The following KIAA1549L variants were observed in gnomAD, a reference collection of about 807,000 sequenced individuals.
KIAA1549L encodes KIAA1549 like, also known as UPF0606 protein KIAA1549L.
Under a neutral mutation model 160.7 loss-of-function variants are expected in KIAA1549L, and 88 were observed. That is an observed-to-expected ratio of 0.55 (90% CI 0.46 to 0.65). KIAA1549L has a LOEUF of 0.65. Ranked by LOEUF, KIAA1549L falls within the 30% of genes least tolerant of loss-of-function variation. The pLI is 0.00. For missense variants in KIAA1549L, 2,258 were observed against 2,437.5 expected (o/e 0.93, Z 1.55); for synonymous variants, 950 against 976.7 (o/e 0.97, Z 0.51).
chr11:33,518,769 A>C (rs1269674820), intron 1 of KIAA1549L, among the ~76,000 whole-genome samples: 4 of 152,172 alleles, frequency 2.6e-5, no homozygotes, highest in African/African-American at 9.7e-5. Flanking sequence ...TTTTCCCCTA[A>C]TAGTTCTTCT....
intron 1 of KIAA1549L, among the ~76,000 whole-genome samples, chr11:33,482,284 AT>A (rs1323368992): frequency 6.6e-6 from 1 of 151,518 alleles, no homozygotes; most frequent in African/African-American, 2.4e-5. Flanking sequence ...TGACACTTCT[AT>A]TTTTTTCTTC....
chr11:33,655,463 C>G, intron 17 of KIAA1549L, among the ~76,000 whole-genome samples: 1 of 152,334 alleles, frequency 6.6e-6, no homozygotes, highest in Non-Finnish European at 1.5e-5. Flanking sequence ...GAAAGTAAAA[C>G]ACAATCAATG....
At chr11:33,413,347 G>A (rs1323540661) in intron 1 of KIAA1549L, among the ~76,000 whole-genome samples, 1 of 151,006 alleles carries the variant, frequency 6.6e-6, no homozygotes, top group African/African-American at 2.4e-5. Context: ...GCCAAGGTGT[G>A]AGGATTGTTT....
intron 20 of KIAA1549L, among the ~76,000 whole-genome samples, chr11:33,662,216 G>A (rs1327536526): frequency 6.6e-6 from 1 of 151,948 alleles, no homozygotes; most frequent in African/African-American, 2.4e-5. Flanking sequence ...TTACTATCAT[G>A]GCCCAGTATA....
chr11:33,590,360 A>C (rs1241537097), intron 11 of KIAA1549L, among the ~76,000 whole-genome samples: 1 of 152,184 alleles, frequency 6.6e-6, no homozygotes, highest in Non-Finnish European at 1.5e-5. Context: ...TGCCACTTTT[A>C]CCCACCACAC....
chr11:33,504,811 T>C (rs1388380698), intron 1 of KIAA1549L, among the ~76,000 whole-genome samples: 1 of 152,108 alleles, frequency 6.6e-6, no homozygotes, highest in Non-Finnish European at 1.5e-5. Flanking sequence ...CTGTTACCTA[T>C]GCTGGAGTGC....
intron 1 of KIAA1549L, among the ~76,000 whole-genome samples, chr11:33,408,625 C>A (rs1260668306): frequency 6.6e-6 from 1 of 151,204 alleles, no homozygotes; most frequent in Non-Finnish European, 1.5e-5. Context: ...GTCCCAGTCC[C>A]ACATGTCCAA....
At chr11:33,600,647 C>G (rs1850333695) in intron 13 of KIAA1549L, among the ~76,000 whole-genome samples, 1 of 151,956 alleles carries the variant, frequency 6.6e-6, no homozygotes, top group Non-Finnish European at 1.5e-5. Flanking sequence ...GCCCCACTCA[C>G]CCACCCCAGT....
chr11:33,606,522 C>T (rs1850504809), intron 13 of KIAA1549L, 119 bp from the exon 14 acceptor site: 6 of 933,186 alleles, frequency 6.4e-6, no homozygotes, highest in African/African-American at 3.3e-5. Flanking sequence ...CAGATGCTGT[C>T]GTTTCTGAGG....
At chr11:33,656,502 T>G (rs1852069705) in intron 18 of KIAA1549L, among the ~76,000 whole-genome samples, 1 of 152,210 alleles carries the variant, frequency 6.6e-6, no homozygotes, top group African/African-American at 2.4e-5. Context: ...TGTCTGGGCA[T>G]CCACCCCAAC....
chr11:33,561,850 G>A, intron 8 of KIAA1549L, 115 bp downstream of exon 8: 1 of 744,890 alleles, frequency 1.3e-6, no homozygotes, highest in Non-Finnish European at 2.3e-6. Context: ...TGTCTTATAA[G>A]TCAGGAAGTT....
chr11:33,563,505 G>C (rs572767855), intron 8 of KIAA1549L, among the ~76,000 whole-genome samples: 1 of 151,992 alleles, frequency 6.6e-6, no homozygotes, highest in Non-Finnish European at 1.5e-5. Flanking sequence ...TCTCACTTGC[G>C]GTCCCAAGCA....
intron 1 of KIAA1549L, among the ~76,000 whole-genome samples, chr11:33,416,661 G>A (rs576626812): frequency 3.9e-5 from 6 of 152,176 alleles, no homozygotes; most frequent in African/African-American, 4.8e-5. Flanking sequence ...TGTGGACTTC[G>A]GTATCCTTAG....
At chr11:33,435,822 A>ATATATATATATATG (rs1851363013) in intron 1 of KIAA1549L, among the ~76,000 whole-genome samples, 1 of 59,352 alleles carries the variant, frequency 1.7e-5, no homozygotes, top group East Asian at 4.6e-4. Flanking sequence ...GTGTGTGTAT[A>ATATATATATATATG]TATATATATG....
At chr11:33,554,730 T>C (rs1451557030) in intron 6 of KIAA1549L, among the ~76,000 whole-genome samples, 2 of 152,172 alleles carry the variant, frequency 1.3e-5, no homozygotes, top group African/African-American at 4.8e-5. Context: ...GCCTGACTAC[T>C]CCTGAAACTT....
rs1468186178 is a variant in KIAA1549L at position 33,673,752 on chromosome 11, T to G, written c.*5598T>G. On this transcript the variant is annotated 3_prime_UTR_variant, in exon 21 of 21. Transcript: ENST00000658780. The stretch of plus-strand genomic sequence containing the variant: ...CAGTCACATGTTCCATGACACCATG[T>G]TTTGCCAAGGAAAAATAAAGAAATT... 1 of 152,240 alleles carries G rather than the reference T, an allele frequency of 6.6e-6. No individual in the cohort carries two copies. The highest frequency in any genetic ancestry group is 1.5e-5 in the Non-Finnish European group (1 of 68,048). 9.4% of individuals were successfully genotyped at this position (152,240 alleles called of 1,614,324 possible).
intron 11 of KIAA1549L, among the ~76,000 whole-genome samples, chr11:33,589,460 T>C (rs1379782718): frequency 1.3e-5 from 2 of 152,146 alleles, no homozygotes; most frequent in African/African-American, 4.8e-5. Context: ...GACACATGCA[T>C]ACGTATGTTT....
At chr11:33,454,700 T>C (rs1851786085) in intron 1 of KIAA1549L, among the ~76,000 whole-genome samples, 1 of 152,136 alleles carries the variant, frequency 6.6e-6, no homozygotes, top group South Asian at 2.1e-4. Context: ...TCCATCCTAA[T>C]GTCTAAAGCA....
chr11:33,642,717 G>A (rs559418061), intron 16 of KIAA1549L, among the ~76,000 whole-genome samples: 1 of 152,220 alleles, frequency 6.6e-6, no homozygotes, highest in African/African-American at 2.4e-5. Flanking sequence ...GCAGGTAATT[G>A]GAATGAGTCA....
Sources: allele counts gnomAD v4.1 joint callset (sites outside exome capture counted in the v4.1 genomes callset), GRCh38; gene constraint gnomAD v4.1.1; transcripts MANE v1.5; gene names NCBI Gene and HGNC (gene_info 2026-07-23, HGNC 2026-07-21).